OSBPL8: variants seen among roughly 807,000 people sequenced by gnomAD.
OSBPL8 encodes oxysterol-binding protein-related protein 8.
A neutral mutation model predicts 125.5 loss-of-function variants in OSBPL8; 59 were observed. The observed-to-expected ratio is 0.47, with a 90% CI of 0.38 to 0.58. The LOEUF (loss-of-function observed/expected upper bound fraction) is 0.58, where lower values mean the gene tolerates loss of function less well. OSBPL8 is among the 20% of genes least tolerant of loss of function. The pLI is 0.00. For synonymous variants in OSBPL8, 330 were observed against 338.9 expected (o/e 0.97, Z 0.29); for missense variants, 758 against 1,047.8 (o/e 0.72, Z 3.82).
In OSBPL8 at chr12:76,545,481, A is replaced by T. The variant is rs146939833; in HGVS notation, c.-68+13916T>A. Among the ~76,000 whole-genome samples, 87 of 152,340 alleles carry T rather than the reference A, an allele frequency of 5.7e-4. 1 individual carries two copies. The highest frequency in any genetic ancestry group is 2.0e-3 in the African/African-American group (85 of 41,588). ...CCCATACTTAAGCTGACGGTTCATTACTAAGGATCAAAGCTTGAAATGCAA... is the reference window on the plus strand; with the variant it reads ...CCCATACTTAAGCTGACGGTTCATTTCTAAGGATCAAAGCTTGAAATGCAA... On this transcript the variant is annotated intron_variant, in intron 1 of 23. Transcript: ENST00000261183.
intron 6 of OSBPL8, among the ~76,000 whole-genome samples, chr12:76,402,059 G>A (rs377766709): frequency 1.3e-5 from 2 of 152,132 alleles, no homozygotes; most frequent in East Asian, 3.8e-4. Context: ...CAAAACTTTA[G>A]ATTTTGGTCT....
At chr12:76,392,440 A>T in intron 10 of OSBPL8, 141 bp downstream of exon 10, 2 of 639,892 alleles carry the variant, frequency 3.1e-6, no homozygotes, top group Non-Finnish European at 2.5e-6. Context: ...AACAAATTTT[A>T]AGCCGGTTCC....
At chr12:76,451,078 A>T in intron 3 of OSBPL8, 90 bp from the exon 4 acceptor site, 1 of 1,358,170 alleles carries the variant, frequency 7.4e-7, no homozygotes, top group Non-Finnish European at 9.9e-7. Flanking sequence ...TCAAAACTGA[A>T]ATGGCCTTGG....
chr12:76,382,955 T>G (rs943583841), intron 15 of OSBPL8, among the ~76,000 whole-genome samples: 7 of 152,228 alleles, frequency 4.6e-5, no homozygotes, highest in African/African-American at 1.7e-4. Flanking sequence ...TAAATCTGCA[T>G]ATGTTATAAA....
intron 1 of OSBPL8, among the ~76,000 whole-genome samples, chr12:76,496,587 C>T (rs989519110): frequency 1.3e-5 from 2 of 151,880 alleles, no homozygotes; most frequent in African/African-American, 4.8e-5. Context: ...GTTGCCCAGG[C>T]TGGAGTGCAA....
Position 76,407,157 on chromosome 12 carries a change from C to T in OSBPL8, c.288+3407G>A, listed in dbSNP as rs1954295909. On this transcript the variant is annotated intron_variant, in intron 5 of 23. Coordinates refer to ENST00000261183, the MANE Select transcript of OSBPL8 (RefSeq NM_020841.5). ...AAATTACTCAGATAAGAATAAAAATCTTCAGAATTCCACAAGTATGAGGTT... is the reference window on the plus strand; with the variant it reads ...AAATTACTCAGATAAGAATAAAAATTTTCAGAATTCCACAAGTATGAGGTT... Among the ~76,000 whole-genome samples the T allele has an allele frequency of 5.9e-5, 9 of 152,276 alleles. No homozygotes were observed. The South Asian group carries it at 1.9e-3, about 32-fold the overall frequency.
intron 16 of OSBPL8, among the ~76,000 whole-genome samples, chr12:76,376,093 C>T (rs1410527281): frequency 6.6e-6 from 1 of 152,214 alleles, no homozygotes; most frequent in South Asian, 2.1e-4. Context: ...TCACAGGAAT[C>T]CAATCTCATA....
intron 16 of OSBPL8, among the ~76,000 whole-genome samples, chr12:76,377,254 A>G (rs2136225513): frequency 6.6e-6 from 1 of 152,298 alleles, no homozygotes; most frequent in South Asian, 2.1e-4. Flanking sequence ...ATGTGTCTTT[A>G]TAGCAGAATA....
Position 76,366,400 on chromosome 12 carries a change from A to G in OSBPL8, c.2328+2814T>C, listed in dbSNP as rs1053587450. Among the ~76,000 whole-genome samples, 66 of 152,074 alleles carry G rather than the reference A, an allele frequency of 4.3e-4. 2 individuals are homozygous for G. The highest frequency in any genetic ancestry group is 1.5e-5 in the Non-Finnish European group (1 of 68,016). On this transcript the variant is annotated intron_variant, in intron 21 of 23. Transcript: ENST00000261183. ...GATTGGTAGTAACATCCCCACTTTA[A>G]TTTCTGATTTTAGTCATTTGTGTCT...
At chr12:76,395,669 A>T (rs117751689) in intron 8 of OSBPL8, among the ~76,000 whole-genome samples, 34 of 152,286 alleles carry the variant, frequency 2.2e-4, no homozygotes, top group Non-Finnish European at 4.9e-4. Context: ...CTAGAAAAAC[A>T]GGGTTCAATC....
chr12:76,462,302 C>CAT (rs1263902969), intron 2 of OSBPL8, among the ~76,000 whole-genome samples: 1 of 152,172 alleles, frequency 6.6e-6, no homozygotes, highest in Non-Finnish European at 1.5e-5. Context: ...TAATCCTTAG[C>CAT]ATATACAACT....
At chr12:76,377,277 T>C (rs1952861934) in intron 16 of OSBPL8, among the ~76,000 whole-genome samples, 1 of 152,178 alleles carries the variant, frequency 6.6e-6, no homozygotes, top group African/African-American at 2.4e-5. Flanking sequence ...GTATAACCCT[T>C]TGGGTATATA....
chr12:76,408,955 T>C (rs1829964328), intron 5 of OSBPL8, among the ~76,000 whole-genome samples: 1 of 152,122 alleles, frequency 6.6e-6, no homozygotes, highest in African/African-American at 2.4e-5. Flanking sequence ...ATACCATGTA[T>C]TCACCAATTC....
intron 4 of OSBPL8, among the ~76,000 whole-genome samples, chr12:76,443,632 C>T (rs1013076383): frequency 2.6e-5 from 4 of 152,110 alleles, no homozygotes; most frequent in Admixed American, 2.0e-4. Flanking sequence ...CCTCAGTCTC[C>T]CCAGTAGCTG....
At chr12:76,552,027 T>A (rs1339209191) in intron 1 of OSBPL8, among the ~76,000 whole-genome samples, 1 of 152,182 alleles carries the variant, frequency 6.6e-6, no homozygotes, top group Non-Finnish European at 1.5e-5. Flanking sequence ...AACCTCTGCA[T>A]CTGGCCCTTG....
At chr12:76,402,606 A>G in intron 6 of OSBPL8, 83 bp downstream of exon 6, 2 of 953,020 alleles carry the variant, frequency 2.1e-6, no homozygotes, top group Admixed American at 4.6e-5. Flanking sequence ...GAACACACAT[A>G]TATATTTATC....
At chr12:76,358,621 A>T in intron 22 of OSBPL8, 85 bp downstream of exon 22, 1 of 1,174,200 alleles carries the variant, frequency 8.5e-7, no homozygotes, top group Non-Finnish European at 1.3e-6. Flanking sequence ...ACATAACTTG[A>T]GTTAATATGA....
At chr12:76,368,271 C>T (rs548474594) in intron 21 of OSBPL8, among the ~76,000 whole-genome samples, 7 of 152,210 alleles carry the variant, frequency 4.6e-5, no homozygotes, top group East Asian at 3.9e-4. Context: ...TATAAGATAT[C>T]GGTTGTTAAT....
intron 1 of OSBPL8, among the ~76,000 whole-genome samples, chr12:76,497,916 A>G (rs1040151073): frequency 1.3e-5 from 2 of 152,198 alleles, no homozygotes; most frequent in African/African-American, 4.8e-5. Flanking sequence ...ACATGAATTT[A>G]TATAGATTGT....
Sources: gnomAD v4.1 joint callset for allele counts (sites outside exome capture counted in the v4.1 genomes callset) on GRCh38, gnomAD v4.1.1 for gene constraint, MANE v1.5 for transcripts, NCBI Gene and HGNC (gene_info 2026-07-23, HGNC 2026-07-21) for gene names.